MYT1L: variants seen among roughly 807,000 people sequenced by gnomAD.
MYT1L encodes the protein myelin transcription factor 1-like protein.
In MYT1L, 12 loss-of-function variants were observed where a neutral mutation model predicts 126.7. The ratio of observed to expected loss-of-function variants is 0.09; its 90% CI spans 0.06 to 0.15. The LOEUF (loss-of-function observed/expected upper bound fraction) is 0.15. Ranked by LOEUF, MYT1L falls within the 10% of genes least tolerant of loss-of-function variation. MYT1L has a pLI of 1.00. For missense variants in MYT1L, 979 were observed against 1,585.2 expected (o/e 0.62, Z 6.49); for synonymous variants, 541 against 604.2 (o/e 0.90, Z 1.53).
chr2:2,064,950 G>C (rs957918979), intron 3 of MYT1L, among the ~76,000 whole-genome samples: 2 of 152,166 alleles, frequency 1.3e-5, no homozygotes, highest in Non-Finnish European at 2.9e-5. Context: ...TGAAATCCCA[G>C]CACTTTGAGA....
chr2:1,952,856 ACCTCCTTCTTTCCCTTC>A (rs2057967211), intron 8 of MYT1L, among the ~76,000 whole-genome samples: 2 of 26,826 alleles, frequency 7.5e-5, no homozygotes, highest in South Asian at 3.6e-3. Flanking sequence ...GCCTTCCCTT[ACCTCCTTCTTTCCCTTC>A]CCTCCTTCCT....
At chr2:2,188,438 G>A (rs910061207) in intron 2 of MYT1L, among the ~76,000 whole-genome samples, 1 of 152,168 alleles carries the variant, frequency 6.6e-6, no homozygotes, top group East Asian at 1.9e-4. Flanking sequence ...GCAGGCACAC[G>A]CTCACGCCGA....
At chr2:1,868,689 G>A (rs996021705) in intron 18 of MYT1L, among the ~76,000 whole-genome samples, 2 of 152,186 alleles carry the variant, frequency 1.3e-5, no homozygotes, top group African/African-American at 2.4e-5. Context: ...TCTGGCACTC[G>A]TGGGCCTGCC....
At chr2:1,836,310 C>T (rs1442251632) in intron 21 of MYT1L, among the ~76,000 whole-genome samples, 2 of 150,346 alleles carry the variant, frequency 1.3e-5, no homozygotes, top group Non-Finnish European at 1.5e-5. Flanking sequence ...GCCTGCCCCC[C>T]CAAGATTCCA....
chr2:2,245,280 T>C (rs2008412), intron 2 of MYT1L, among the ~76,000 whole-genome samples: 65,134 of 151,752 alleles, frequency 0.43, 15,201 homozygotes, highest in East Asian at 0.74. Flanking sequence ...TCAAAGCATG[T>C]GCTGGGCCGA....
At chr2:1,957,296 G>A (rs986507097) in intron 8 of MYT1L, among the ~76,000 whole-genome samples, 1 of 151,904 alleles carries the variant, frequency 6.6e-6, no homozygotes, top group Non-Finnish European at 1.5e-5. Flanking sequence ...TAGTTCTTGG[G>A]GTATGAGTGG....
intron 4 of MYT1L, among the ~76,000 whole-genome samples, chr2:2,016,635 G>A (rs2064433721): frequency 6.6e-6 from 1 of 152,172 alleles, no homozygotes; most frequent in Admixed American, 6.5e-5. Flanking sequence ...AAACATATGT[G>A]AAAGAAGAAC....
At chr2:2,142,204 A>G (rs2084093740) in intron 3 of MYT1L, among the ~76,000 whole-genome samples, 1 of 152,066 alleles carries the variant, frequency 6.6e-6, no homozygotes, top group Admixed American at 6.6e-5. Context: ...GACTCAGCAA[A>G]CATCTTGTGT....
intron 4 of MYT1L, among the ~76,000 whole-genome samples, chr2:2,027,728 T>G (rs1358196246): frequency 6.6e-6 from 1 of 152,190 alleles, no homozygotes; most frequent in Non-Finnish European, 1.5e-5. Context: ...CTTCCATTAC[T>G]GGGCGATACT....
intron 8 of MYT1L, among the ~76,000 whole-genome samples, chr2:1,966,668 G>A (rs867443489): frequency 1.3e-5 from 2 of 151,400 alleles, no homozygotes; most frequent in East Asian, 3.9e-4. Context: ...AACAATAAAA[G>A]AATTGCATAA....
At chr2:2,301,058 G>A (rs142715586) in intron 1 of MYT1L, among the ~76,000 whole-genome samples, 5 of 152,022 alleles carry the variant, frequency 3.3e-5, no homozygotes, top group African/African-American at 1.2e-4. Context: ...CAGACCTTTT[G>A]CTCTGTGCCA....
chr2:2,017,030 G>A (rs2064486004), intron 4 of MYT1L, among the ~76,000 whole-genome samples: 1 of 152,234 alleles, frequency 6.6e-6, no homozygotes, highest in African/African-American at 2.4e-5. Context: ...CGACAGCTGT[G>A]CTGCCTCCCC....
At chr2:2,291,950 C>T (rs1438870975) in intron 1 of MYT1L, among the ~76,000 whole-genome samples, 1 of 152,236 alleles carries the variant, frequency 6.6e-6, no homozygotes, top group Non-Finnish European at 1.5e-5. Context: ...GAGGAGCGCT[C>T]GACAGCCCGC....
chr2:2,142,674 C>A (rs1451004662), intron 3 of MYT1L, among the ~76,000 whole-genome samples: 1 of 151,954 alleles, frequency 6.6e-6, no homozygotes. Flanking sequence ...ACAAGCAAAC[C>A]CAAACTCTGA....
At chr2:2,117,802 G>T (rs1206779884) in intron 3 of MYT1L, among the ~76,000 whole-genome samples, 1 of 152,096 alleles carries the variant, frequency 6.6e-6, no homozygotes, top group Admixed American at 6.5e-5. Context: ...TGAGGAAGCT[G>T]CTGAGAGAGG....
chr2:2,013,841 T>G (rs1179362799), intron 4 of MYT1L, among the ~76,000 whole-genome samples: 1 of 152,250 alleles, frequency 6.6e-6, no homozygotes, highest in African/African-American at 2.4e-5. Flanking sequence ...TGCATTCACA[T>G]GCTGCTGCAC....
At chr2:2,308,241 A>G (rs995317283) in intron 1 of MYT1L, among the ~76,000 whole-genome samples, 1 of 151,570 alleles carries the variant, frequency 6.6e-6, no homozygotes, top group South Asian at 2.1e-4. Flanking sequence ...ACGCTTCGGT[A>G]TACTCTATCT....
rs2035682416 is a variant in MYT1L at position 1,806,179 on chromosome 2, A to C, written c.3172+2897T>G. ...CAACTGTGCTCTGGGGGTAAGAAAG[A>C]ACTATCTCAGTTTGGTGCAAACAGT... On this transcript the variant is annotated intron_variant, in intron 22 of 24. Transcript: ENST00000647738. The surrounding 1 kb of genome is among the most constrained non-coding windows in gnomAD (Gnocchi z 4.9). 6.6e-6 allele frequency among the ~76,000 whole-genome samples: 1 copy of C among 152,166 alleles called. No homozygotes were observed. Among genetic ancestry groups the C allele is most frequent in the Admixed American group, 6.5e-5 (1 of 15,272 alleles).
chr2:1,958,712 C>A (rs776920663), intron 8 of MYT1L, among the ~76,000 whole-genome samples: 26 of 152,244 alleles, frequency 1.7e-4, no homozygotes, highest in Non-Finnish European at 3.2e-4. Context: ...CCGGCCCACC[C>A]GACTGCAGAG....
Sources: gnomAD v4.1 joint callset for allele counts (sites outside exome capture counted in the v4.1 genomes callset) on GRCh38, gnomAD v4.1.1 for gene constraint, Gnocchi (gnomAD v3.1) non-coding constraint, MANE v1.5 for transcripts, NCBI Gene and HGNC (gene_info 2026-07-23, HGNC 2026-07-21) for gene names.